The following CCT4 variants were observed in gnomAD, a reference collection of about 807,000 sequenced individuals.
The protein encoded by CCT4 is T-complex protein 1 subunit delta.
A neutral mutation model predicts 62.5 loss-of-function variants in CCT4; 17 were observed. The observed-to-expected ratio is 0.27, with a 90% CI of 0.19 to 0.41. CCT4 has a LOEUF of 0.41. Ranked by LOEUF, CCT4 falls within the 10% of genes least tolerant of loss-of-function variation. The pLI, the probability that CCT4 is intolerant of heterozygous loss-of-function variation, is 1.00. For missense variants in CCT4, 592 were observed against 659.2 expected (o/e 0.90, Z 1.12); for synonymous variants, 250 against 229.9 (o/e 1.09, Z -0.79).
chr2:61,871,558 C>G (rs1161026939), intron 12 of CCT4, among the ~76,000 whole-genome samples: 1 of 152,186 alleles, frequency 6.6e-6, no homozygotes, highest in African/African-American at 2.4e-5. Context: ...CTGTACCATA[C>G]AGACAATATA....
At chr2:61,883,378 C>A (rs1007454789) in intron 3 of CCT4, 81 bp downstream of exon 3, 1 of 699,296 alleles carries the variant, frequency 1.4e-6, no homozygotes, top group Non-Finnish European at 2.3e-6. Context: ...GATTGTGCCA[C>A]GGCACTCTAG....
At chr2:61,875,162 G>A (rs1331082347) in intron 8 of CCT4, among the ~76,000 whole-genome samples, 2 of 150,714 alleles carry the variant, frequency 1.3e-5, no homozygotes, top group South Asian at 2.1e-4. Flanking sequence ...GGAAGATTAC[G>A]CACTTTTTAT....
chr2:61,869,428 G>A lies in CCT4; in HGVS notation c.1605+12C>T, dbSNP rs751935011. ...GACCTCCTAAGAAAATTTGCAACCT[G>A]GAAACACTTACCACATCATCTATTT... On this transcript the variant is annotated intron_variant, in intron 13 of 13. Coordinates refer to ENST00000394440, the MANE Select transcript of CCT4 (RefSeq NM_006430.4). 11 of 1,514,922 alleles carry A rather than the reference G, an allele frequency of 7.3e-6. No homozygotes were observed. The East Asian group carries it at 1.6e-4, about 22-fold the overall frequency. The allele number at this position is 1,514,922 out of a possible 1,614,324, so 93.8% of individuals were successfully genotyped here. A position where few individuals can be genotyped will look rare whatever the true frequency, so the allele number is the denominator to read the frequency against.
intron 5 of CCT4, among the ~76,000 whole-genome samples, chr2:61,878,500 A>C (rs77738455): frequency 0.024 from 3,710 of 152,300 alleles, 133 homozygotes; most frequent in African/African-American, 0.084. Context: ...AAAACTTATC[A>C]CAATGCCCAC....
In CCT4 at chr2:61,888,549, T is replaced by A. The variant is rs1364053195; in HGVS notation, c.-42A>T. 1 of 1,594,562 alleles carries A rather than the reference T, an allele frequency of 6.3e-7. No homozygotes were observed. Among genetic ancestry groups the A allele is most frequent in the African/African-American group, 1.3e-5 (1 of 74,506 alleles). On this transcript the variant is annotated 5_prime_UTR_variant, in exon 1 of 14. Transcript: ENST00000394440. ...TCTGGGTTGGCTCGGGAAGGACGGA[T>A]GGACCCGGATTCTGGCCGGCCGCAG...
rs1239025271 is a variant in CCT4, at chr2:61,869,430, A to G, written c.1605+10T>C. On this transcript the variant is annotated intron_variant, in intron 13 of 13. Coordinates refer to ENST00000394440, the MANE Select transcript of CCT4 (RefSeq NM_006430.4). ...CCTCCTAAGAAAATTTGCAACCTGG[A>G]AACACTTACCACATCATCTATTTTC... The G allele has an allele frequency of 6.5e-7, 1 of 1,527,590 alleles. No individual in the cohort carries two copies. The highest frequency in any genetic ancestry group is 1.1e-5 in the South Asian group (1 of 88,930). The allele number at this position is 1,527,590 out of a possible 1,614,324, so 94.6% of individuals were successfully genotyped here.
rs1406921017 is a variant in CCT4 at position 61,876,099 on chromosome 2, G to A, written c.913C>T (p.Leu305=). The A allele has an allele frequency of 1.3e-6, 2 of 1,599,902 alleles. No individual in the cohort carries two copies. The highest frequency in any genetic ancestry group is 1.7e-6 in the Non-Finnish European group (2 of 1,168,578). Residue 305 remains leucine (L), a synonymous_variant, in exon 8 of 14, where the codon CTA becomes TTA. Transcript: ENST00000394440. ...ACAAAATAAATAGCCCCACACCTTA[G>A]AATAGATTTCTGTATGAGAAGGACA... is the stretch of plus-strand genomic sequence containing the variant. The part of the protein sequence containing the change: ...CNVLLIQKSI[L]RDALSDLALH...
At chr2:61,887,273 C>G (rs1669276885) in intron 1 of CCT4, among the ~76,000 whole-genome samples, 1 of 152,206 alleles carries the variant, frequency 6.6e-6, no homozygotes. Context: ...TATCTTAGCG[C>G]CATCACATTC....
chr2:61,887,779 A>G (rs559068815), intron 1 of CCT4, among the ~76,000 whole-genome samples: 13 of 152,336 alleles, frequency 8.5e-5, no homozygotes, highest in Admixed American at 4.6e-4. Flanking sequence ...AAAAAAACAA[A>G]TAATTGTTTC....
chr2:61,882,521 CTT>C (rs199571264), intron 3 of CCT4, among the ~76,000 whole-genome samples: 4 of 145,322 alleles, frequency 2.8e-5, no homozygotes, highest in Admixed American at 6.9e-5. Context: ...GTGTTTCTTT[CTT>C]TTTTTTTTTT....
chr2:61,884,235 A>G (rs1472649351), intron 2 of CCT4, among the ~76,000 whole-genome samples: 1 of 152,194 alleles, frequency 6.6e-6, no homozygotes, highest in Non-Finnish European at 1.5e-5. Flanking sequence ...CAAAATATGA[A>G]TTATAGTTTA....
At chr2:61,882,671 CTA>C (rs1342386859) in intron 3 of CCT4, among the ~76,000 whole-genome samples, 4 of 152,082 alleles carry the variant, frequency 2.6e-5, no homozygotes, top group Non-Finnish European at 5.9e-5. Context: ...ACACACCCAA[CTA>C]TTATTTTTTG....
chr2:61,876,312 ATG>A (rs1423662862), intron 7 of CCT4, 78 bp from the exon 8 acceptor site: 1 of 1,084,622 alleles, frequency 9.2e-7, no homozygotes, highest in African/African-American at 1.6e-5. Context: ...CGAAAATACT[ATG>A]TGTTGTATAA....
At chr2:61,871,600 GTTTAA>G (rs1021507621) in intron 12 of CCT4, among the ~76,000 whole-genome samples, 25 of 152,132 alleles carry the variant, frequency 1.6e-4, no homozygotes, top group African/African-American at 2.9e-4. Context: ...CCCATCATGT[GTTTAA>G]TTTGTCTCCT....
At chr2:61,883,613 A>T in intron 2 of CCT4, 65 bp from the exon 3 acceptor site, 1 of 785,604 alleles carries the variant, frequency 1.3e-6, no homozygotes, top group South Asian at 1.6e-5. Flanking sequence ...AAACTTTTAC[A>T]TTTCAAAATA....
rs1346016747 is a variant in CCT4, at chr2:61,873,281, A to G, written c.930T>C (p.Ser310=). 32 of 1,543,276 alleles carry G rather than the reference A, an allele frequency of 2.1e-5. No individual in the cohort carries two copies. Among genetic ancestry groups the G allele is most frequent in the Non-Finnish European group, 2.9e-5 (32 of 1,117,438 alleles). ...IQKSILRDAL[S]DLALHFLNKM... is the part of the protein sequence containing the mutation. ...TATTCAGAAAGTGTAATGCAAGATC[A>G]CTAAGAGCATCTCTAAAATACAAAA... Residue 310 remains serine (S), a synonymous_variant, in exon 9 of 14, where the codon AGT becomes AGC. Coordinates refer to ENST00000394440, the MANE Select transcript of CCT4 (RefSeq NM_006430.4).
chr2:61,868,704 T>C lies in CCT4; in HGVS notation c.1608A>G (p.Val536=). The C allele has an allele frequency of 6.3e-7, 1 of 1,591,252 alleles. No individual in the cohort carries two copies. Among genetic ancestry groups the C allele is most frequent in the Non-Finnish European group, 8.6e-7 (1 of 1,159,272 alleles). ...VRSILKIDDV[V]NTR Reference sequence around the variant, plus strand: ...TCAGTTATCCAGATTATCGAGTGTTTACCTGATAAGAGAAAAACTTAGATT... The same window carrying C: ...TCAGTTATCCAGATTATCGAGTGTTCACCTGATAAGAGAAAAACTTAGATT... Residue 536 remains valine (V), a splice_region_variant and synonymous_variant, in exon 14 of 14, where the codon GTA becomes GTG. Transcript: ENST00000394440.
rs33947847 is a variant in CCT4 at position 61,869,143 on chromosome 2, G to GAA, written c.1605+295_1605+296dup. On this transcript the variant is annotated intron_variant, in intron 13 of 13. Transcript: ENST00000394440. ...GGCAACAGAGCAAGACTTCGTCTCAGAAAAAAAAAAAAAAAAAAAAAAGTA... is the reference window on the plus strand; with the variant it reads ...GGCAACAGAGCAAGACTTCGTCTCAGAAAAAAAAAAAAAAAAAAAAAAAAGTA... Among the ~76,000 whole-genome samples, 515 of 70,714 alleles carry GAA rather than the reference G, an allele frequency of 7.3e-3. 4 individuals are homozygous for GAA. Among genetic ancestry groups the GAA allele is most frequent in the African/African-American group, 0.028 (485 of 17,634 alleles). 46.4% of individuals were successfully genotyped at this position (70,714 alleles called of 152,430 possible). A position where few individuals can be genotyped will look rare whatever the true frequency, so the allele number is the denominator to read the frequency against.
chr2:61,873,052 C>A lies in CCT4; in HGVS notation c.1075G>T (p.Ala359Ser), dbSNP rs376388698. 6 of 1,613,328 alleles carry A rather than the reference C, an allele frequency of 3.7e-6. No homozygotes were observed. The highest frequency in any genetic ancestry group is 5.1e-6 in the Non-Finnish European group (6 of 1,179,238). The stretch of plus-strand genomic sequence containing the variant: ...AAATTGACCTCCTCAGCTAACTCAG[C>A]AGAACCCAGCATGTCAGCAGTAAAT... ...DQFTADMLGS[A>S]ELAEEVNLNG... Residue 359 changes from alanine (A) to serine (S), a missense_variant, in exon 10 of 14, where the codon GCT becomes TCT. By Grantham distance (99) the Ala-to-Ser change is moderately conservative. Around this residue, in one of 3 missense-constraint regions of CCT4, gnomAD observed 522 missense variants for 571.2 expected, o/e 0.91. Coordinates refer to ENST00000394440, the MANE Select transcript of CCT4 (RefSeq NM_006430.4).
Sources: allele counts gnomAD v4.1 joint callset (sites outside exome capture counted in the v4.1 genomes callset), GRCh38; gene constraint gnomAD v4.1.1; regional missense constraint gnomAD v4.1.1; transcripts MANE v1.5; gene names NCBI Gene and HGNC (gene_info 2026-07-23, HGNC 2026-07-21).